The following TOX3 variants were observed in gnomAD, a reference collection of about 807,000 sequenced individuals.
The protein encoded by TOX3 is TOX high mobility group box family member 3, also known as CAG trinucleotide repeat-containing gene F9 protein.
TOX3 carries 22 observed loss-of-function variants against 64.3 expected under a neutral mutation model. That is an observed-to-expected ratio of 0.34 (90% confidence interval 0.24 to 0.49). The LOEUF is 0.49. Ranked by LOEUF, TOX3 falls within the 20% of genes least tolerant of loss-of-function variation. The pLI is 0.99. For missense variants in TOX3, 661 were observed against 714.4 expected, an observed-to-expected ratio of 0.93 and a Z score of 0.85; for synonymous variants, 291 against 273.6, an observed-to-expected ratio of 1.06 and a Z score of -0.63.
At chr16:52,459,817 A>AT (rs1218214658) in intron 3 of TOX3, among the ~76,000 whole-genome samples, 2 of 152,166 alleles carry the variant, frequency 1.3e-5, no homozygotes, top group East Asian at 3.8e-4. Flanking sequence ...TTAACGTAAG[A>AT]TTTTTTTAAG....
chr16:52,486,374 G>A (rs971431090), intron 1 of TOX3, among the ~76,000 whole-genome samples: 2 of 152,184 alleles, frequency 1.3e-5, no homozygotes, highest in Non-Finnish European at 2.9e-5. Context: ...GCAAAAGCTT[G>A]AAGTACAATG....
chr16:52,521,656 T>A (rs981786833), intron 1 of TOX3, among the ~76,000 whole-genome samples: 2 of 152,196 alleles, frequency 1.3e-5, no homozygotes, highest in African/African-American at 4.8e-5. Context: ...AAGTATGATC[T>A]CTCCGATGAT....
chr16:52,456,957 T>G (rs189834360), intron 3 of TOX3, among the ~76,000 whole-genome samples: 2 of 152,156 alleles, frequency 1.3e-5, no homozygotes, highest in Non-Finnish European at 2.9e-5. Context: ...TAAAAGAGAA[T>G]TGAAAGGTGA....
chr16:52,522,034 T>C (rs1366260535), intron 1 of TOX3, among the ~76,000 whole-genome samples: 2 of 152,252 alleles, frequency 1.3e-5, no homozygotes, highest in Non-Finnish European at 2.9e-5. Context: ...TTAATAGTAC[T>C]TACCTTATAG....
intron 6 of TOX3, among the ~76,000 whole-genome samples, chr16:52,443,859 T>C (rs996397749): frequency 1.3e-5 from 2 of 152,090 alleles, no homozygotes; most frequent in Non-Finnish European, 2.9e-5. Flanking sequence ...AACAGTTTGG[T>C]CAAAAATGCA....
chr16:52,450,550 G>A lies in TOX3; in HGVS notation c.409-4C>T, dbSNP rs1458297506. On this transcript the variant is annotated splice_polypyrimidine_tract_variant and splice_region_variant and intron_variant, in intron 3 of 6. Transcript: ENST00000219746. ...ACACTTGTGTGTGGCTCTGATCCTA[G>A]AAAGGCAGCAACAAAGGGGGAAAAT... The A allele has an allele frequency of 6.2e-7, 1 of 1,613,538 alleles. No homozygotes were observed. Among genetic ancestry groups the A allele is most frequent in the Non-Finnish European group, 8.5e-7 (1 of 1,179,496 alleles).
At chr16:52,516,158 G>A (rs1327184751) in intron 1 of TOX3, among the ~76,000 whole-genome samples, 1 of 152,112 alleles carries the variant, frequency 6.6e-6, no homozygotes, top group African/African-American at 2.4e-5. Flanking sequence ...AAATGGTAAT[G>A]AATATTAATA....
chr16:52,441,700 T>C (rs1959994515), intron 6 of TOX3, among the ~76,000 whole-genome samples: 2 of 152,334 alleles, frequency 1.3e-5, no homozygotes, highest in African/African-American at 4.8e-5. Flanking sequence ...CTCCGATTTA[T>C]AAAATCCTGC....
intron 1 of TOX3, among the ~76,000 whole-genome samples, chr16:52,477,251 G>T (rs1961233328): frequency 6.6e-6 from 1 of 152,166 alleles, no homozygotes; most frequent in African/African-American, 2.4e-5. Flanking sequence ...AGAAAAGGAA[G>T]AAAGCTGGAG....
chr16:52,541,282 A>T (rs1034679385), intron 1 of TOX3, among the ~76,000 whole-genome samples: 1 of 152,136 alleles, frequency 6.6e-6, no homozygotes. Flanking sequence ...CTTGATCTGC[A>T]ATTTGTCTGG....
intron 6 of TOX3, among the ~76,000 whole-genome samples, chr16:52,442,534 C>T (rs144740553): frequency 5.7e-4 from 87 of 152,184 alleles, no homozygotes; most frequent in Non-Finnish European, 3.7e-4. Context: ...GGAGGCAATG[C>T]TCTAGAGAGA....
At chr16:52,520,510 G>T (rs1323579087) in intron 1 of TOX3, among the ~76,000 whole-genome samples, 3 of 152,180 alleles carry the variant, frequency 2.0e-5, no homozygotes, top group African/African-American at 7.2e-5. Context: ...CCAAATTTCA[G>T]TTATTTGTAT....
At chr16:52,510,962 C>G (rs568623627) in intron 1 of TOX3, among the ~76,000 whole-genome samples, 2 of 151,944 alleles carry the variant, frequency 1.3e-5, no homozygotes, top group Non-Finnish European at 2.9e-5. Flanking sequence ...CAGAGAATAG[C>G]TGACTCCATG....
At chr16:52,517,840 G>T (rs938325949) in intron 1 of TOX3, among the ~76,000 whole-genome samples, 2 of 152,076 alleles carry the variant, frequency 1.3e-5, no homozygotes, top group African/African-American at 4.8e-5. Flanking sequence ...GTCCATCTCT[G>T]ATCTCTCTCC....
intron 1 of TOX3, among the ~76,000 whole-genome samples, chr16:52,537,685 C>A (rs1401010897): frequency 1.3e-5 from 2 of 151,994 alleles, no homozygotes; most frequent in Non-Finnish European, 2.9e-5. Flanking sequence ...GTCCAGCTCC[C>A]CCACTGGTAT....
At chr16:52,467,228 G>C (rs1241634207) in intron 2 of TOX3, among the ~76,000 whole-genome samples, 1 of 152,112 alleles carries the variant, frequency 6.6e-6, no homozygotes, top group Non-Finnish European at 1.5e-5. Flanking sequence ...TGGCAGTAGA[G>C]CTTTCATCAA....
chr16:52,471,881 ACTT>A (rs1567323304), intron 1 of TOX3, among the ~76,000 whole-genome samples: 1 of 152,198 alleles, frequency 6.6e-6, no homozygotes, highest in Non-Finnish European at 1.5e-5. Flanking sequence ...GGCTCAAGTA[ACTT>A]GCCGAAGGTT....
In TOX3 at chr16:52,450,496, G is replaced by A; in HGVS notation, c.459C>T (p.Ile153=). ...VSQYRQDPSL[I]MRSIVHMTDA... The stretch of plus-strand genomic sequence containing the variant: ...CGGTCATGTGGACGATGGACCGCAT[G>A]ATCAGGGAGGGATCCTGCCGGTACT... Residue 153 remains isoleucine, a synonymous_variant, in exon 4 of 7, where the codon ATC becomes ATT. Transcript: ENST00000219746. 1 of 1,614,066 alleles carries A rather than the reference G, an allele frequency of 6.2e-7. No individual in the cohort carries two copies. Among genetic ancestry groups the A allele is most frequent in the Non-Finnish European group, 8.5e-7 (1 of 1,179,898 alleles).
chr16:52,497,075 A>C (rs1352474320), intron 1 of TOX3, among the ~76,000 whole-genome samples: 1 of 152,194 alleles, frequency 6.6e-6, no homozygotes, highest in African/African-American at 2.4e-5. Context: ...CTGTAACATA[A>C]AACTTTTATT....
Sources: gnomAD v4.1 joint callset for allele counts (sites outside exome capture counted in the v4.1 genomes callset) on GRCh38, gnomAD v4.1.1 for gene constraint, MANE v1.5 for transcripts, NCBI Gene and HGNC (gene_info 2026-07-23, HGNC 2026-07-21) for gene names.